The following AKAP6 variants were observed in gnomAD, a reference collection of about 807,000 sequenced individuals.
AKAP6 encodes A-kinase anchor protein 6.
Under a neutral mutation model 188.5 loss-of-function variants are expected in AKAP6, and 58 were observed. The ratio of observed to expected loss-of-function variants is 0.31; its 90% CI spans 0.25 to 0.38. The LOEUF (loss-of-function observed/expected upper bound fraction) is 0.38. Among genes scored for constraint, AKAP6 ranks in the 10% least tolerant of loss-of-function variants. AKAP6 has a pLI of 1.00. For synonymous variants in AKAP6, 989 were observed against 998.6 expected (o/e 0.99, Z 0.18); for missense variants, 2,710 against 2,740.0 (o/e 0.99, Z 0.24).
intron 7 of AKAP6, among the ~76,000 whole-genome samples, chr14:32,603,256 C>T (rs763983557): frequency 6.0e-5 from 9 of 150,026 alleles, no homozygotes; most frequent in Non-Finnish European, 1.3e-4. Context: ...TGGTATGGGA[C>T]ATGAGTGGGT....
chr14:32,380,417 T>C (rs925983600), intron 1 of AKAP6, among the ~76,000 whole-genome samples: 1 of 152,224 alleles, frequency 6.6e-6, no homozygotes, highest in African/African-American at 2.4e-5. Flanking sequence ...TATTTATCTC[T>C]CACTCTCCCT....
chr14:32,372,770 C>CTGTGTGTGTGTG (rs3031400), intron 1 of AKAP6, among the ~76,000 whole-genome samples: 1 of 147,486 alleles, frequency 6.8e-6, no homozygotes, highest in African/African-American at 2.5e-5. Flanking sequence ...TTTTGTTGCT[C>CTGTGTGTGTGTG]TGTGTGTGTG....
intron 1 of AKAP6, among the ~76,000 whole-genome samples, chr14:32,354,563 C>T (rs1594533335): frequency 1.3e-5 from 2 of 152,332 alleles, no homozygotes; most frequent in Admixed American, 1.3e-4. Context: ...CAGGGCTTAT[C>T]CAGATCTTAA....
At chr14:32,374,231 A>G (rs1888092520) in intron 1 of AKAP6, among the ~76,000 whole-genome samples, 1 of 149,694 alleles carries the variant, frequency 6.7e-6, no homozygotes, top group African/African-American at 2.5e-5. Flanking sequence ...TGGGAAAAAC[A>G]CATACGTAAG....
In AKAP6 at chr14:32,773,709, G is replaced by T; in HGVS notation, c.3404G>T (p.Arg1135Leu). Residue 1135 changes from arginine to leucine, a missense_variant, in exon 12 of 14, where the codon CGA (arginine) becomes CTA (leucine). By Grantham distance (102) the Arg-to-Leu change is moderately radical (BLOSUM62 -2). Around this residue, in one of 2 missense-constraint regions of AKAP6, gnomAD observed 2,473 missense variants for 2,426.1 expected, o/e 1.02. Transcript: ENST00000280979. ...TGTCGTGAAATCAAGCAACGACGTC[G>T]AGGAGTTGCCTCCATTCTGCGACTA... The part of the protein sequence containing the change: ...SLCREIKQRR[R>L]GVASILRLCQ... 1 of 1,614,050 alleles carries T rather than the reference G, an allele frequency of 6.2e-7. No individual in the cohort carries two copies. The highest frequency in any genetic ancestry group is 8.5e-7 in the Non-Finnish European group (1 of 1,179,970).
intron 11 of AKAP6, among the ~76,000 whole-genome samples, chr14:32,742,682 A>G (rs537841813): frequency 1.3e-5 from 2 of 151,932 alleles, no homozygotes; most frequent in East Asian, 1.9e-4. Flanking sequence ...AGTTTCCAAA[A>G]TTTTTCTTGT....
intron 4 of AKAP6, among the ~76,000 whole-genome samples, chr14:32,569,461 G>T (rs150366460): frequency 6.6e-6 from 1 of 152,122 alleles, no homozygotes; most frequent in Non-Finnish European, 1.5e-5. Flanking sequence ...AGGAGTGTGG[G>T]TATATAAGTT....
intron 2 of AKAP6, among the ~76,000 whole-genome samples, chr14:32,467,370 C>G (rs1314139636): frequency 6.6e-6 from 1 of 152,052 alleles, no homozygotes; most frequent in East Asian, 1.9e-4. Context: ...CAGTTAATAC[C>G]TGTTATTGCT....
chr14:32,519,179 G>T (rs1229672793), intron 2 of AKAP6, among the ~76,000 whole-genome samples: 1 of 152,114 alleles, frequency 6.6e-6, no homozygotes, highest in South Asian at 2.1e-4. Context: ...TGCCTTACAA[G>T]AACTCCTGAA....
chr14:32,430,882 G>A (rs777652836), intron 1 of AKAP6, among the ~76,000 whole-genome samples: 8 of 152,106 alleles, frequency 5.3e-5, no homozygotes, highest in East Asian at 3.9e-4. Flanking sequence ...CGAGGTGGGC[G>A]GATCACGAGG....
At chr14:32,758,865 C>T (rs115622632) in intron 11 of AKAP6, among the ~76,000 whole-genome samples, 1,656 of 152,278 alleles carry the variant, frequency 0.011, 31 homozygotes, top group African/African-American at 0.038. Context: ...CAGACCAAGG[C>T]TCCTCTGGCA....
intron 11 of AKAP6, among the ~76,000 whole-genome samples, chr14:32,742,547 T>C (rs954798648): frequency 6.6e-6 from 1 of 152,042 alleles, no homozygotes; most frequent in African/African-American, 2.4e-5. Flanking sequence ...CTGTATCCCA[T>C]AGGTTTTGGT....
In AKAP6 at chr14:32,349,005, G is replaced by T. The variant is rs140656703; in HGVS notation, c.-35+19597G>T. 8.9e-3 allele frequency among the ~76,000 whole-genome samples: 1,356 copies of T among 152,250 alleles called. 14 individuals carry two copies. Among genetic ancestry groups the T allele is most frequent in the African/African-American group, 0.03 (1,248 of 41,534 alleles). On this transcript the variant is annotated intron_variant, in intron 1 of 13. Coordinates refer to ENST00000280979, the MANE Select transcript of AKAP6 (RefSeq NM_004274.5). Reference sequence around the variant, plus strand: ...ACCAGACAGAGTGCTTGAGGTAGAGGCACCATTTAAATCACCCTCTAGGAC... The same window carrying T: ...ACCAGACAGAGTGCTTGAGGTAGAGTCACCATTTAAATCACCCTCTAGGAC...
intron 2 of AKAP6, among the ~76,000 whole-genome samples, chr14:32,481,712 C>T (rs8014556): frequency 0.61 from 92,486 of 151,976 alleles, 29,115 homozygotes; most frequent in East Asian, 0.86. Context: ...CATGAGATTT[C>T]GGTGGGGACA....
chr14:32,746,815 G>C (rs1468893673), intron 11 of AKAP6, among the ~76,000 whole-genome samples: 2 of 152,278 alleles, frequency 1.3e-5, no homozygotes, highest in South Asian at 4.1e-4. Flanking sequence ...ACTTGAAAGA[G>C]AAAAGCACAT....
chr14:32,535,923 G>T, intron 3 of AKAP6, 118 bp downstream of exon 3: 2 of 1,423,580 alleles, frequency 1.4e-6, no homozygotes, highest in Non-Finnish European at 1.9e-6. Context: ...GCCCTGATGG[G>T]CTTTGAATCT....
At chr14:32,702,479 A>G (rs1413464048) in intron 9 of AKAP6, among the ~76,000 whole-genome samples, 1 of 151,796 alleles carries the variant, frequency 6.6e-6, no homozygotes, top group Non-Finnish European at 1.5e-5. Context: ...AAGTAGATGA[A>G]TGTGGTTTCT....
intron 7 of AKAP6, among the ~76,000 whole-genome samples, chr14:32,675,746 A>T (rs950326330): frequency 6.6e-6 from 1 of 152,226 alleles, no homozygotes; most frequent in African/African-American, 2.4e-5. Flanking sequence ...GTGAGATATT[A>T]TGCAGTAAAA....
At chr14:32,404,468 T>C (rs1370012061) in intron 1 of AKAP6, among the ~76,000 whole-genome samples, 6 of 151,462 alleles carry the variant, frequency 4.0e-5, no homozygotes, top group Non-Finnish European at 8.8e-5. Context: ...TTTAGAAGGC[T>C]GTGCTGCAGC....
Sources: gnomAD v4.1 joint callset for allele counts (sites outside exome capture counted in the v4.1 genomes callset) on GRCh38, gnomAD v4.1.1 for gene constraint, gnomAD v4.1.1 regional missense constraint, MANE v1.5 for transcripts, NCBI Gene and HGNC (gene_info 2026-07-23, HGNC 2026-07-21) for gene names.